PTPRE: variants seen among roughly 807,000 people sequenced by gnomAD.
The protein encoded by PTPRE is protein tyrosine phosphatase receptor type E, also known as receptor-type tyrosine-protein phosphatase epsilon.
A neutral mutation model predicts 102.0 loss-of-function variants in PTPRE; 51 were observed. The observed-to-expected ratio is 0.50, with a 90% CI of 0.40 to 0.63. The LOEUF (loss-of-function observed/expected upper bound fraction) is 0.63, where lower values mean the gene tolerates loss of function less well. PTPRE is among the 30% of genes least tolerant of loss of function. The probability of loss-of-function intolerance (pLI) is 0.00; values close to 1 mark genes in which losing one functional copy is unlikely to be tolerated. For missense variants in PTPRE, 752 were observed against 915.1 expected, an observed-to-expected ratio of 0.82 and a Z score of 2.30; for synonymous variants, 345 against 348.2, an observed-to-expected ratio of 0.99 and a Z score of 0.10.
chr10:127,949,953 G>T (rs988376827), intron 1 of PTPRE, among the ~76,000 whole-genome samples: 1 of 151,998 alleles, frequency 6.6e-6, no homozygotes, highest in Non-Finnish European at 1.5e-5. Context: ...TGCCTGAGGG[G>T]ATTAACTCTG....
At chr10:128,034,503 A>G (rs1252186755) in intron 2 of PTPRE, among the ~76,000 whole-genome samples, 1 of 151,502 alleles carries the variant, frequency 6.6e-6, no homozygotes, top group Non-Finnish European at 1.5e-5. Context: ...TAGCCTGGGC[A>G]ACATAGTGAG....
Position 128,008,085 on chromosome 10 carries a change from G to A in PTPRE, c.-8+25789G>A, listed in dbSNP as rs990709390. ...GGAAGAAGGCATCTCTCACCACTGG[G>A]GAGGCACAGGAGGCACCACGCCACG... On this transcript the variant is annotated intron_variant, in intron 2 of 20. Coordinates refer to ENST00000254667, the MANE Select transcript of PTPRE (RefSeq NM_006504.6). This position sits in a 1 kb window ranked among gnomAD's most constrained non-coding sequence, Gnocchi z 4.0. 6.6e-5 allele frequency among the ~76,000 whole-genome samples: 10 copies of A among 152,172 alleles called. No homozygotes were observed. The highest frequency in any genetic ancestry group is 2.4e-4 in the African/African-American group (10 of 41,420).
At chr10:127,986,369 G>A (rs969014380) in intron 2 of PTPRE, among the ~76,000 whole-genome samples, 17 of 152,134 alleles carry the variant, frequency 1.1e-4, no homozygotes, top group Admixed American at 6.5e-4. Context: ...TATAAAAGAC[G>A]TATCGTTAAG....
In PTPRE at chr10:128,024,613, C is replaced by T. The variant is rs188702274; in HGVS notation, c.-7-16262C>T. Among the ~76,000 whole-genome samples the T allele has an allele frequency of 6.2e-3, 951 of 152,268 alleles. 11 individuals carry two copies. The highest frequency in any genetic ancestry group is 0.011 in the Non-Finnish European group (721 of 68,026). On this transcript the variant is annotated intron_variant, in intron 2 of 20. Transcript: ENST00000254667. ...TTATCCCTTAACAGACTTGCTGACT[C>T]GCCAGCGTTCTTACCGGTCCTTGGC...
chr10:127,967,916 T>C (rs1291944181), intron 1 of PTPRE, among the ~76,000 whole-genome samples: 1 of 152,246 alleles, frequency 6.6e-6, no homozygotes, highest in Non-Finnish European at 1.5e-5. Flanking sequence ...AGTATTTTTA[T>C]GTTTATTGAA....
rs1846463799 is a variant in PTPRE, at chr10:128,028,665, G to C, written c.-7-12210G>C. 6.6e-6 allele frequency among the ~76,000 whole-genome samples: 1 copy of C among 151,992 alleles called. No individual in the cohort carries two copies. Among genetic ancestry groups the C allele is most frequent in the Admixed American group, 6.6e-5 (1 of 15,264 alleles). ...CAGGCACAGCTGAGCAGCCCGCCGG[G>C]GCCCAGGGTTCCTTGGTCTTGGGTT... On this transcript the variant is annotated intron_variant, in intron 2 of 20. Coordinates refer to ENST00000254667, the MANE Select transcript of PTPRE (RefSeq NM_006504.6). This position sits in a 1 kb window ranked among gnomAD's most constrained non-coding sequence, Gnocchi z 4.5.
At chr10:128,040,550 C>G (rs1041450355) in intron 2 of PTPRE, among the ~76,000 whole-genome samples, 5 of 152,020 alleles carry the variant, frequency 3.3e-5, no homozygotes, top group African/African-American at 1.2e-4. Context: ...GATGTGATTT[C>G]TGCTAAGTGG....
At chr10:128,037,220 C>T (rs926093838) in intron 2 of PTPRE, among the ~76,000 whole-genome samples, 2 of 152,182 alleles carry the variant, frequency 1.3e-5, no homozygotes, top group African/African-American at 4.8e-5. Context: ...GACTTTTCCT[C>T]CTCACTCATC....
intron 10 of PTPRE, among the ~76,000 whole-genome samples, chr10:128,064,639 T>C (rs1026940361): frequency 1.3e-5 from 2 of 152,208 alleles, no homozygotes; most frequent in African/African-American, 4.8e-5. Flanking sequence ...CACTTCCCTC[T>C]TTCAGTCATT....
Position 128,068,118 on chromosome 10 carries a change from C to T in PTPRE, c.844-5C>T, listed in dbSNP as rs373996430. On this transcript the variant is annotated splice_polypyrimidine_tract_variant and splice_region_variant and intron_variant, in intron 11 of 20. Coordinates refer to ENST00000254667, the MANE Select transcript of PTPRE (RefSeq NM_006504.6). ...CCCACTCTTGTCTCCCCGCGTCCCC[C>T]GCAGCAGCTCCCCGACGGCTGCAAA... 1.2e-5 allele frequency: 19 copies of T among 1,610,826 alleles called. No individual in the cohort carries two copies. Among genetic ancestry groups the T allele is most frequent in the East Asian group, 8.9e-5 (4 of 44,840 alleles).
At chr10:127,918,558 CA>C (rs35535006) in intron 1 of PTPRE, among the ~76,000 whole-genome samples, 10,403 of 94,978 alleles carry the variant, frequency 0.11, 362 homozygotes, top group Non-Finnish European at 0.12. Context: ...GACTCCATCT[CA>C]AAAAAAAAAA....
intron 2 of PTPRE, among the ~76,000 whole-genome samples, chr10:128,034,856 T>C (rs543561236): frequency 2.6e-5 from 4 of 152,274 alleles, no homozygotes; most frequent in Admixed American, 6.5e-5. Context: ...GAATGAAACA[T>C]ATTAGGAACA....
intron 17 of PTPRE, among the ~76,000 whole-genome samples, chr10:128,075,714 T>C (rs1851163908): frequency 6.6e-6 from 1 of 152,232 alleles, no homozygotes; most frequent in African/African-American, 2.4e-5. Context: ...TATTGTTAAT[T>C]GAAAATTAAC....
At chr10:128,004,634 T>C (rs917054909) in intron 2 of PTPRE, among the ~76,000 whole-genome samples, 3 of 152,278 alleles carry the variant, frequency 2.0e-5, no homozygotes, top group African/African-American at 4.8e-5. Flanking sequence ...GTGTTTTGTT[T>C]ACTCATTCAT....
chr10:127,931,044 G>A (rs1298925274), intron 1 of PTPRE, among the ~76,000 whole-genome samples: 2 of 152,078 alleles, frequency 1.3e-5, no homozygotes, highest in Non-Finnish European at 2.9e-5. Context: ...ACCCGCCTCG[G>A]CCTTCCAAAG....
chr10:128,014,450 T>C, intron 2 of PTPRE, among the ~76,000 whole-genome samples: 1 of 152,094 alleles, frequency 6.6e-6, no homozygotes, highest in East Asian at 1.9e-4. Context: ...AGGGGGACAT[T>C]GACACACCCC....
Position 128,073,454 on chromosome 10 carries a change from G to A in PTPRE, c.1582G>A (p.Val528Met). 2 of 1,614,038 alleles carry A rather than the reference G, an allele frequency of 1.2e-6. No individual in the cohort carries two copies. The highest frequency in any genetic ancestry group is 2.2e-5 in the South Asian group (2 of 91,070). Residue 528 changes from valine (V) to methionine (M), a missense_variant, in exon 17 of 21, where the codon GTG (valine) becomes ATG (methionine). Transcript: ENST00000254667. ...KSHTIVMLTE[V>M]QEREQDKCYQ... ...CCACACTATCGTGATGCTGACGGAGGTGCAGGAGAGAGAGCAGGTGAGGAG... is the reference window on the plus strand; with the variant it reads ...CCACACTATCGTGATGCTGACGGAGATGCAGGAGAGAGAGCAGGTGAGGAG...
chr10:127,932,019 G>T (rs866181350), intron 1 of PTPRE, among the ~76,000 whole-genome samples: 8 of 152,144 alleles, frequency 5.3e-5, no homozygotes, highest in Middle Eastern at 3.4e-3. Flanking sequence ...TTTCAATACC[G>T]TCTTCAATGG....
chr10:127,957,059 C>T (rs1849455094), intron 1 of PTPRE, among the ~76,000 whole-genome samples: 1 of 152,052 alleles, frequency 6.6e-6, no homozygotes, highest in South Asian at 2.1e-4. Context: ...TTCTGCAGAG[C>T]AGGAAGTTTT....
Sources: allele counts gnomAD v4.1 joint callset (sites outside exome capture counted in the v4.1 genomes callset), GRCh38; gene constraint gnomAD v4.1.1; non-coding constraint Gnocchi (gnomAD v3.1); transcripts MANE v1.5; gene names NCBI Gene and HGNC (gene_info 2026-07-23, HGNC 2026-07-21).